Variants in FZD3 observed in about 807,000 individuals in gnomAD.
FZD3 encodes frizzled class receptor 3.
A neutral mutation model predicts 60.7 loss-of-function variants in FZD3; 30 were observed. The ratio of observed to expected loss-of-function variants is 0.49; its 90% CI spans 0.37 to 0.67. The LOEUF is 0.67. Ranked by LOEUF, FZD3 falls within the 30% of genes least tolerant of loss-of-function variation. FZD3 has a pLI of 0.00. For missense variants in FZD3, 605 were observed against 838.7 expected, an observed-to-expected ratio of 0.72 and a Z score of 3.44; for synonymous variants, 246 against 275.2, an observed-to-expected ratio of 0.89 and a Z score of 1.05.
intron 5 of FZD3, among the ~76,000 whole-genome samples, chr8:28,545,631 C>T (rs1805276510): frequency 6.6e-6 from 1 of 152,218 alleles, no homozygotes; most frequent in Non-Finnish European, 1.5e-5. Context: ...CCCCAGCCAT[C>T]ATCTGACTGC....
At chr8:28,520,472 G>C (rs902636435) in intron 3 of FZD3, among the ~76,000 whole-genome samples, 166 bp from the exon 4 acceptor site, 3 of 152,018 alleles carry the variant, frequency 2.0e-5, no homozygotes, top group Non-Finnish European at 4.4e-5. Flanking sequence ...ATCTTCAAGG[G>C]TAGGGCTAGG....
At position 28,564,182 on chromosome 8, in the gene FZD3, A is replaced by T. The variant is rs931510708; in HGVS notation, c.*1171A>T. 2.0e-5 allele frequency: 3 copies of T among 152,594 alleles called. No homozygotes were observed. The highest frequency in any genetic ancestry group is 7.2e-5 in the African/African-American group (3 of 41,458). The allele number at this position is 152,594 out of a possible 1,614,324, so 9.5% of individuals were successfully genotyped here. A position where few individuals can be genotyped will look rare whatever the true frequency, so the allele number is the denominator to read the frequency against. ...TAAATGAAGCATGATTAGTCTTAGT[A>T]TGAATATCATTTAATCTTTAAAAAA... On this transcript the variant is annotated 3_prime_UTR_variant, in exon 8 of 8. Transcript: ENST00000240093.
chr8:28,510,383 T>C (rs1005290166), intron 3 of FZD3, among the ~76,000 whole-genome samples: 1 of 152,246 alleles, frequency 6.6e-6, no homozygotes, highest in Admixed American at 6.5e-5. Flanking sequence ...TTGCCAGACC[T>C]CTCTATAGGG....
chr8:28,562,707 C>A, intron 7 of FZD3, 91 bp from the exon 8 acceptor site: 1 of 783,658 alleles, frequency 1.3e-6, no homozygotes, highest in Non-Finnish European at 2.2e-6. Context: ...CTAATAATTT[C>A]CCTTACTGAG....
intron 5 of FZD3, among the ~76,000 whole-genome samples, chr8:28,535,990 C>A (rs1384440147): frequency 6.6e-6 from 1 of 152,182 alleles, no homozygotes; most frequent in Non-Finnish European, 1.5e-5. Flanking sequence ...ACCATTCCTT[C>A]ATGTAAAATG....
chr8:28,530,122 T>C (rs943351346), intron 5 of FZD3, among the ~76,000 whole-genome samples: 1 of 142,342 alleles, frequency 7.0e-6, no homozygotes, highest in African/African-American at 2.6e-5. Context: ...TGTGTGTGTG[T>C]GTGTGTGTGT....
chr8:28,547,065 C>T (rs1056852765), intron 5 of FZD3, among the ~76,000 whole-genome samples: 1 of 152,146 alleles, frequency 6.6e-6, no homozygotes, highest in Non-Finnish European at 1.5e-5. Flanking sequence ...TGTTTCCCAG[C>T]TTCCCAGTGC....
Position 28,543,149 on chromosome 8 carries a change from A to G in FZD3, c.1405-8454A>G, listed in dbSNP as rs370178754. Among the ~76,000 whole-genome samples, 18 of 152,328 alleles carry G rather than the reference A, an allele frequency of 1.2e-4. 1 individual carries two copies. In the East Asian group the frequency reaches 1.9e-3, roughly 16 times the overall value. On this transcript the variant is annotated intron_variant, in intron 5 of 7. Transcript: ENST00000240093. ...ATCACACAATTGTTCTAATTCTGCA[A>G]TCAACTCTGATTAGCTCTCTTTATC...
intron 5 of FZD3, among the ~76,000 whole-genome samples, chr8:28,545,672 C>T (rs942497870): frequency 6.6e-6 from 1 of 152,178 alleles, no homozygotes; most frequent in African/African-American, 2.4e-5. Flanking sequence ...GTGGGAATCA[C>T]CCAGCTGAGC....
chr8:28,503,475 T>G (rs1374515840), intron 3 of FZD3, among the ~76,000 whole-genome samples: 1 of 152,174 alleles, frequency 6.6e-6, no homozygotes, highest in Non-Finnish European at 1.5e-5. Flanking sequence ...ATTCAGAAGT[T>G]TAAAATTTAA....
intron 3 of FZD3, among the ~76,000 whole-genome samples, chr8:28,519,131 C>T (rs1804507222): frequency 6.6e-6 from 1 of 152,144 alleles, no homozygotes; most frequent in African/African-American, 2.4e-5. Context: ...ATAGGAGGCT[C>T]TGGAAAATAA....
intron 6 of FZD3, among the ~76,000 whole-genome samples, chr8:28,552,032 AT>A (rs1282013489): frequency 6.6e-6 from 1 of 152,152 alleles, no homozygotes; most frequent in Non-Finnish European, 1.5e-5. Flanking sequence ...TCAAATTGTA[AT>A]TTTCTTAAAA....
intron 4 of FZD3, among the ~76,000 whole-genome samples, chr8:28,522,333 G>A (rs539399701): frequency 6.6e-6 from 1 of 151,442 alleles, no homozygotes; most frequent in Admixed American, 6.6e-5. Flanking sequence ...TGAAGTCACA[G>A]TTTACAAGAA....
rs1161218804 is a variant in FZD3 at position 28,568,889 on chromosome 8, A to G, written c.*5878A>G. ...TTTTGTTGGTGTGAAAGCGTTGCTTATACTTTATGCTCATTTTATTGGTCA... is the reference window on the plus strand; with the variant it reads ...TTTTGTTGGTGTGAAAGCGTTGCTTGTACTTTATGCTCATTTTATTGGTCA... On this transcript the variant is annotated 3_prime_UTR_variant, in exon 8 of 8. Coordinates refer to ENST00000240093, the MANE Select transcript of FZD3 (RefSeq NM_017412.4). 6.6e-6 allele frequency: 1 copy of G among 152,142 alleles called. No individual in the cohort carries two copies. Among genetic ancestry groups the G allele is most frequent in the Admixed American group, 6.5e-5 (1 of 15,280 alleles). The allele number at this position is 152,142 out of a possible 1,614,324, so 9.4% of individuals were successfully genotyped here. A position where few individuals can be genotyped will look rare whatever the true frequency, so the allele number is the denominator to read the frequency against.
At chr8:28,544,822 T>C (rs1268798254) in intron 5 of FZD3, among the ~76,000 whole-genome samples, 2 of 152,172 alleles carry the variant, frequency 1.3e-5, no homozygotes, top group Admixed American at 1.3e-4. Flanking sequence ...TGGGTAATTT[T>C]TAAAGAAAAG....
intron 3 of FZD3, among the ~76,000 whole-genome samples, chr8:28,517,578 TTG>T (rs1804461843): frequency 1.3e-5 from 2 of 152,330 alleles, no homozygotes; most frequent in African/African-American, 4.8e-5. Flanking sequence ...TAGATCTTTT[TTG>T]TGTGTTTTAC....
At chr8:28,515,281 C>T (rs573566398) in intron 3 of FZD3, among the ~76,000 whole-genome samples, 211 of 152,236 alleles carry the variant, frequency 1.4e-3, no homozygotes, top group Non-Finnish European at 2.3e-3. Flanking sequence ...GTTCTTGTCT[C>T]CTCAGAAGAA....
intron 1 of FZD3, among the ~76,000 whole-genome samples, chr8:28,496,917 G>A (rs566853882): frequency 1.3e-5 from 2 of 151,932 alleles, no homozygotes; most frequent in Admixed American, 6.5e-5. Context: ...TGGAAAGCAG[G>A]GGCTTGGTAT....
chr8:28,536,171 C>T (rs1468044475), intron 5 of FZD3, among the ~76,000 whole-genome samples: 1 of 152,200 alleles, frequency 6.6e-6, no homozygotes, highest in South Asian at 2.1e-4. Context: ...TTATCCTATA[C>T]TCTGTACTAG....
Sources: gnomAD v4.1 joint callset for allele counts (sites outside exome capture counted in the v4.1 genomes callset) on GRCh38, gnomAD v4.1.1 for gene constraint, MANE v1.5 for transcripts, NCBI Gene and HGNC (gene_info 2026-07-23, HGNC 2026-07-21) for gene names.